The following GIP variants were observed in gnomAD, a reference collection of about 807,000 sequenced individuals.
GIP encodes gastric inhibitory polypeptide.
GIP carries 16 observed loss-of-function variants against 18.1 expected under a neutral mutation model. The observed-to-expected ratio is 0.88, with a 90% CI of 0.60 to 1.34. The LOEUF (loss-of-function observed/expected upper bound fraction) is 1.34, where lower values mean the gene tolerates loss of function less well. GIP is among the 40% of genes most tolerant of loss of function. The pLI is 0.00. For synonymous variants in GIP, 76 were observed against 74.0 expected, an observed-to-expected ratio of 1.03 and a Z score of -0.14; for missense variants, 192 against 183.4, an observed-to-expected ratio of 1.05 and a Z score of -0.27.
chr17:48,966,089 C>G (rs1324441120), intron 2 of GIP, among the ~76,000 whole-genome samples: 1 of 151,976 alleles, frequency 6.6e-6, no homozygotes, highest in East Asian at 1.9e-4. Flanking sequence ...GAAACCCCAT[C>G]TCTACTAAAA....
At chr17:48,967,336 T>C in intron 1 of GIP, 83 bp from the exon 2 acceptor site, 1 of 866,366 alleles carries the variant, frequency 1.2e-6, no homozygotes, top group Non-Finnish European at 1.9e-6. Context: ...GCCCTGAGGT[T>C]TGGACCCTTT....
intron 3 of GIP, among the ~76,000 whole-genome samples, chr17:48,963,995 CAAA>C (rs10718451): frequency 3.8e-5 from 5 of 132,586 alleles, no homozygotes; most frequent in Non-Finnish European, 4.9e-5. Context: ...ACTGAAAATA[CAAA>C]AAAAAAAAAA....
intron 3 of GIP, among the ~76,000 whole-genome samples, chr17:48,962,689 T>C (rs2041207294): frequency 6.6e-6 from 1 of 151,980 alleles, no homozygotes; most frequent in Admixed American, 6.6e-5. Context: ...GTTTTCAAAG[T>C]CTAAAGTGGC....
At chr17:48,960,668 T>C (rs537961726) in intron 5 of GIP, among the ~76,000 whole-genome samples, 1 of 152,258 alleles carries the variant, frequency 6.6e-6, no homozygotes, top group African/African-American at 2.4e-5. Flanking sequence ...TTGTCTTTTT[T>C]TTCTTTTGTT....
In GIP at chr17:48,962,801, TC is replaced by T. The variant is rs1170338262; in HGVS notation, c.258-983del. Among the ~76,000 whole-genome samples the T allele has an allele frequency of 2.6e-5, 4 of 151,732 alleles. No homozygotes were observed. The South Asian group carries it at 6.3e-4, about 24-fold the overall frequency. On this transcript the variant is annotated intron_variant, in intron 3 of 5. Transcript: ENST00000357424. ...GAGCTCCCATACATCTTCTGACTCCTCCCCTTTGAAGTAAAGGATTAGGGCC... is the reference window on the plus strand; with the variant it reads ...GAGCTCCCATACATCTTCTGACTCCTCCCTTTGAAGTAAAGGATTAGGGCC...
chr17:48,963,344 GA>G (rs2041211558), intron 3 of GIP, among the ~76,000 whole-genome samples: 1 of 151,614 alleles, frequency 6.6e-6, no homozygotes, highest in Admixed American at 6.6e-5. Context: ...GACCAACATG[GA>G]ACCCCGTCTC....
intron 5 of GIP, 46 bp from the exon 6 acceptor site, chr17:48,958,762 G>A: frequency 1.3e-6 from 2 of 1,538,706 alleles, no homozygotes; most frequent in Non-Finnish European, 8.8e-7. Flanking sequence ...TGGACTTGGA[G>A]TCGGCCAAGC....
At chr17:48,965,289 A>G (rs8078994) in intron 2 of GIP, among the ~76,000 whole-genome samples, 77,177 of 140,516 alleles carry the variant, frequency 0.55, 22,319 homozygotes, top group African/African-American at 0.77. Flanking sequence ...GAACAAGAGC[A>G]AAACTTCGTC....
intron 2 of GIP, among the ~76,000 whole-genome samples, chr17:48,964,831 T>C (rs1004083010): frequency 2.0e-5 from 3 of 152,162 alleles, no homozygotes; most frequent in African/African-American, 7.2e-5. Context: ...CCGTCTCTAC[T>C]AATAATACAA....
Position 48,967,158 on chromosome 17 carries a change from C to G in GIP, c.75G>C (p.Glu25Asp). The stretch of plus-strand genomic sequence containing the variant: ...CTCACCACTCCTACCTGAAGTGACC[C>G]TCTTTCTTCTCTCCTAGTCCCACTG... ...FLAVGLGEKKEGHFSALPSLP... is the reference protein window; with the variant it reads ...FLAVGLGEKKDGHFSALPSLP... The change falls in exon 2 of 6, where the codon GAG (glutamate) becomes GAC (aspartate). Residue 25 changes from glutamate (E) to aspartate (D), a missense_variant. Glu to Asp is a conservative substitution (Grantham distance 45). Transcript: ENST00000357424. 6.2e-7 allele frequency: 1 copy of G among 1,612,730 alleles called. No homozygotes were observed. Among genetic ancestry groups the G allele is most frequent in the Non-Finnish European group, 8.5e-7 (1 of 1,178,814 alleles).
intron 5 of GIP, among the ~76,000 whole-genome samples, chr17:48,959,116 A>G (rs2041185432): frequency 6.6e-6 from 1 of 151,888 alleles, no homozygotes; most frequent in South Asian, 2.1e-4. Context: ...GGCCTCCCAA[A>G]GTCCTGGGAT....
intron 2 of GIP, 69 bp downstream of exon 2, chr17:48,967,078 A>T (rs945892099): frequency 8.3e-7 from 1 of 1,197,744 alleles, no homozygotes; most frequent in Non-Finnish European, 1.2e-6. Flanking sequence ...CTCCCCCTAG[A>T]AACAAATCCA....
chr17:48,967,171 C>T lies in GIP; in HGVS notation c.62G>A (p.Gly21Glu). Reference protein sequence around the residue: ...LLSLFLAVGLGEKKEGHFSAL... With the variant: ...LLSLFLAVGLEEKKEGHFSAL... The stretch of plus-strand genomic sequence containing the variant: ...CCTGAAGTGACCCTCTTTCTTCTCT[C>T]CTAGTCCCACTGCCAGGAACAGGGA... Residue 21 changes from glycine (G) to glutamate (E), a missense_variant, in exon 2 of 6, where the codon GGA (glycine) becomes GAA (glutamate). By Grantham distance (98) the Gly-to-Glu change is moderately conservative. Transcript: ENST00000357424. 6.2e-7 allele frequency: 1 copy of T among 1,613,660 alleles called. No individual in the cohort carries two copies. Among genetic ancestry groups the T allele is most frequent in the Non-Finnish European group, 8.5e-7 (1 of 1,179,648 alleles).
Position 48,960,934 on chromosome 17 carries a change from T to G in GIP, c.404A>C (p.Gln135Pro), listed in dbSNP as rs371272594. ...DEDLLRDLLI[Q>P]ELLACLLDQT... ...ATCCAGCAAGCAGGCCAACAGCTCT[T>G]GAATCAGCAAGTCCCGCAGCAAATC... The change falls in exon 5 of 6, where the codon CAA becomes CCA. Residue 135 changes from glutamine (Q) to proline (P), a missense_variant. Gln to Pro is a moderately conservative substitution (Grantham distance 76). Transcript: ENST00000357424. 1.2e-6 allele frequency: 2 copies of G among 1,609,502 alleles called. No individual in the cohort carries two copies. Among genetic ancestry groups the G allele is most frequent in the Non-Finnish European group, 1.7e-6 (2 of 1,178,234 alleles).
intron 1 of GIP, among the ~76,000 whole-genome samples, 162 bp from the exon 2 acceptor site, chr17:48,967,415 A>G (rs1252479534): frequency 2.8e-5 from 4 of 143,714 alleles, no homozygotes; most frequent in Non-Finnish European, 1.5e-5. Context: ...GTGGGAGTGC[A>G]GTGGCACAAT....
At position 48,964,436 on chromosome 17, in the gene GIP, C is replaced by T; in HGVS notation, c.131G>A (p.Ser44Asn). The stretch of plus-strand genomic sequence containing the variant: ...GTACCTGGGGCCTCGAGGTTGAGGG[C>T]TGCTCACCTTAGCATGAGATCCAAC... ...LPVGSHAKVS[S>N]PQPRGPRYAE... Residue 44 changes from serine (S) to asparagine (N), a missense_variant, in exon 3 of 6, where the codon AGC becomes AAC. By Grantham distance (46) the Ser-to-Asn change is conservative. Coordinates refer to ENST00000357424, the MANE Select transcript of GIP (RefSeq NM_004123.3). 1 of 1,614,088 alleles carries T rather than the reference C, an allele frequency of 6.2e-7. No homozygotes were observed. Among genetic ancestry groups the T allele is most frequent in the Non-Finnish European group, 8.5e-7 (1 of 1,179,980 alleles).
At position 48,961,792 on chromosome 17, in the gene GIP, C is replaced by T; in HGVS notation, c.285G>A (p.Glu95=). ...GACTGGCCAGCTCCAGCGCCCGAGCCTCCCTCTGGGTGATGTTGTGTTTCC... is the reference window on the plus strand; with the variant it reads ...GACTGGCCAGCTCCAGCGCCCGAGCTTCCCTCTGGGTGATGTTGTGTTTCC... The part of the protein sequence containing the change: ...NDWKHNITQR[E]ARALELASQA... The change falls in exon 4 of 6, where the codon GAG becomes GAA. Residue 95 remains glutamate (E), a synonymous_variant. Transcript: ENST00000357424. The T allele has an allele frequency of 6.2e-7, 1 of 1,613,072 alleles. No individual in the cohort carries two copies. The highest frequency in any genetic ancestry group is 8.5e-7 in the Non-Finnish European group (1 of 1,179,754).
intron 4 of GIP, 82 bp from the exon 5 acceptor site, chr17:48,961,069 G>T: frequency 2.3e-6 from 2 of 865,326 alleles, no homozygotes; most frequent in Non-Finnish European, 1.7e-6. Context: ...GGACACCACT[G>T]AGGGGCAGCC....
At position 48,967,197 on chromosome 17, in the gene GIP, C is replaced by T. The variant is rs927018469; in HGVS notation, c.36G>A (p.Leu12=). ...CTAGTCCCACTGCCAGGAACAGGGA[C>T]AGCAGCAGCAGAGCAAAGGTCTTCG... ...VATKTFALLL[L]SLFLAVGLGE... The change falls in exon 2 of 6, where the codon CTG becomes CTA. Residue 12 remains leucine, a synonymous_variant. Transcript: ENST00000357424. The T allele has an allele frequency of 6.2e-7, 1 of 1,613,054 alleles. No homozygotes were observed. Among genetic ancestry groups the T allele is most frequent in the Non-Finnish European group, 8.5e-7 (1 of 1,179,128 alleles).
Sources: gnomAD v4.1 joint callset for allele counts (sites outside exome capture counted in the v4.1 genomes callset) on GRCh38, gnomAD v4.1.1 for gene constraint, MANE v1.5 for transcripts, NCBI Gene and HGNC (gene_info 2026-07-23, HGNC 2026-07-21) for gene names.